The following METTL15 variants were observed in gnomAD, a reference collection of about 807,000 sequenced individuals.
The protein encoded by METTL15 is 12S rRNA N(4)-cytidine methyltransferase METTL15.
In METTL15, 34 loss-of-function variants were observed where a neutral mutation model predicts 38.3. The observed-to-expected ratio is 0.89, with a 90% CI of 0.68 to 1.18. The LOEUF (loss-of-function observed/expected upper bound fraction) is 1.18, where lower values mean the gene tolerates loss of function less well. Ranked by LOEUF, METTL15 falls within the 50% of genes most tolerant of loss-of-function variation. The pLI is 0.00. For missense variants in METTL15, 438 were observed against 498.4 expected (o/e 0.88, Z 1.15); for synonymous variants, 162 against 170.9 (o/e 0.95, Z 0.41).
intron 4 of METTL15, among the ~76,000 whole-genome samples, chr11:28,277,171 G>A (rs925666222): frequency 2.3e-4 from 35 of 152,080 alleles, no homozygotes; most frequent in African/African-American, 7.5e-4. Flanking sequence ...AAACAGTAAG[G>A]AGATTTCTTC....
chr11:28,315,283 A>T (rs1166708807), intron 6 of METTL15, among the ~76,000 whole-genome samples: 1 of 152,186 alleles, frequency 6.6e-6, no homozygotes, highest in Non-Finnish European at 1.5e-5. Flanking sequence ...TCAGTTGGAA[A>T]TGAGGAACTT....
chr11:28,239,562 C>G (rs1735886115), intron 4 of METTL15, among the ~76,000 whole-genome samples: 2 of 152,166 alleles, frequency 1.3e-5, no homozygotes, highest in African/African-American at 4.8e-5. Context: ...AGCCCCAGGA[C>G]AAGTTATCCT....
At chr11:28,380,899 G>T (rs557589043) in intron 5 of METTL15, among the ~76,000 whole-genome samples, 3 of 151,982 alleles carry the variant, frequency 2.0e-5, no homozygotes, top group African/African-American at 4.8e-5. Context: ...GACCTGTAAG[G>T]TTTCAGTTGA....
intron 4 of METTL15, among the ~76,000 whole-genome samples, chr11:28,211,700 T>G (rs1488633028): frequency 6.6e-6 from 1 of 151,980 alleles, no homozygotes; most frequent in African/African-American, 2.4e-5. Flanking sequence ...CTAAAGAACT[T>G]TTTAAAAATA....
In METTL15 at chr11:28,330,406, T is replaced by C. The variant is rs769308866; in HGVS notation, c.789T>C (p.Pro263=). 8.4e-6 allele frequency: 13 copies of C among 1,539,842 alleles called. 1 individual carries two copies. The South Asian group carries it at 1.5e-4, about 17-fold the overall frequency. Residue 263 remains proline (P), a synonymous_variant, in exon 7 of 7, where the codon CCT becomes CCC. Coordinates refer to ENST00000407364, the MANE Select transcript of METTL15 (RefSeq NM_001113528.2). ...CAACATTTGTTTTAGGAGCATTTCC[T>C]CCCTCTGCTATTTATACACGGAAAG... ...QLASIVAGAF[P]PSAIYTRKDL... is the part of the protein sequence containing the mutation.
At chr11:28,149,908 A>G (rs1379907250) in intron 3 of METTL15, among the ~76,000 whole-genome samples, 1 of 152,028 alleles carries the variant, frequency 6.6e-6, no homozygotes, top group African/African-American at 2.4e-5. Context: ...GATGCCTTGC[A>G]ATTGGAAACA....
At position 28,194,172 on chromosome 11, in the gene METTL15, CTTTT is replaced by C. The variant is rs773497873; in HGVS notation, c.271-16888_271-16885del. Among the ~76,000 whole-genome samples, 4 of 59,018 alleles carry C rather than the reference CTTTT, an allele frequency of 6.8e-5. No individual in the cohort carries two copies. In the South Asian group the frequency reaches 3.4e-3, roughly 50 times the overall value. 38.7% of individuals were successfully genotyped at this position (59,018 alleles called of 152,430 possible). A position where few individuals can be genotyped will look rare whatever the true frequency, so the allele number is the denominator to read the frequency against. ...TCTTTCTTTCTTTCTTTCTTTCTTTCTTTTTCTCTCTCTCTCTCTCCTCTCTCTC... is the reference window on the plus strand; with the variant it reads ...TCTTTCTTTCTTTCTTTCTTTCTTTCTCTCTCTCTCTCTCTCCTCTCTCTC... On this transcript the variant is annotated intron_variant, in intron 3 of 6. Coordinates refer to ENST00000407364, the MANE Select transcript of METTL15 (RefSeq NM_001113528.2).
At chr11:28,195,305 G>C (rs1044810031) in intron 3 of METTL15, among the ~76,000 whole-genome samples, 1 of 151,940 alleles carries the variant, frequency 6.6e-6, no homozygotes, top group Non-Finnish European at 1.5e-5. Context: ...TTTTCCATAA[G>C]GGTTATACTA....
intron 3 of METTL15, among the ~76,000 whole-genome samples, chr11:28,177,194 A>G (rs1416122313): frequency 1.3e-5 from 2 of 151,976 alleles, no homozygotes; most frequent in East Asian, 3.9e-4. Context: ...AAATACATAA[A>G]CTTTGTGTTA....
intron 4 of METTL15, among the ~76,000 whole-genome samples, chr11:28,282,306 C>T (rs887500562): frequency 1.3e-5 from 2 of 152,140 alleles, no homozygotes; most frequent in Non-Finnish European, 2.9e-5. Flanking sequence ...AATCACCAAC[C>T]GACACTGCAT....
intron 2 of METTL15, among the ~76,000 whole-genome samples, chr11:28,111,964 C>A (rs551031593): frequency 6.6e-6 from 1 of 152,104 alleles, no homozygotes; most frequent in Non-Finnish European, 1.5e-5. Flanking sequence ...TCATTCCCCC[C>A]CCCACCGACA....
intron 3 of METTL15, among the ~76,000 whole-genome samples, chr11:28,187,546 G>A (rs555748618): frequency 1.6e-4 from 23 of 145,640 alleles, no homozygotes; most frequent in Admixed American, 9.6e-4. Context: ...TTTTTAACAC[G>A]GACCGATGTC....
chr11:28,431,790 TAA>T (rs869087503), intron 6 of METTL15, among the ~76,000 whole-genome samples: 1,622 of 71,458 alleles, frequency 0.023, 20 homozygotes, highest in Admixed American at 0.039. Context: ...AAAATAAATT[TAA>T]AAAAAAAAAA....
chr11:28,482,932 C>G (rs1008409432), intron 6 of METTL15, among the ~76,000 whole-genome samples: 4 of 152,136 alleles, frequency 2.6e-5, no homozygotes, highest in African/African-American at 9.7e-5. Context: ...AGACATCCTC[C>G]TGGACAATAG....
At chr11:28,451,490 C>T (rs1314184243) in intron 6 of METTL15, among the ~76,000 whole-genome samples, 1 of 151,790 alleles carries the variant, frequency 6.6e-6, no homozygotes, top group Non-Finnish European at 1.5e-5. Flanking sequence ...GAGGCTGAGG[C>T]AGGAGAATGG....
At chr11:28,286,411 C>G (rs998243769) in intron 4 of METTL15, among the ~76,000 whole-genome samples, 1 of 152,102 alleles carries the variant, frequency 6.6e-6, no homozygotes, top group African/African-American at 2.4e-5. Context: ...TGGATGTGAT[C>G]AATCTTTCCC....
At chr11:28,250,385 G>A (rs1228317870) in intron 4 of METTL15, among the ~76,000 whole-genome samples, 5 of 151,880 alleles carry the variant, frequency 3.3e-5, no homozygotes, top group Admixed American at 3.3e-4. Flanking sequence ...ACTAGCATCT[G>A]CTATTTTTGG....
chr11:28,453,173 C>T (rs995897240), intron 6 of METTL15, among the ~76,000 whole-genome samples: 3 of 152,202 alleles, frequency 2.0e-5, no homozygotes, highest in Non-Finnish European at 4.4e-5. Flanking sequence ...CTTATGGCTG[C>T]TGCCAGAATA....
rs377305640 is a variant in METTL15, at chr11:28,400,582, A to C, written c.*359-23717A>C. 8.6e-5 allele frequency among the ~76,000 whole-genome samples: 13 copies of C among 151,986 alleles called. No individual in the cohort carries two copies. In the East Asian group the frequency reaches 2.5e-3, roughly 29 times the overall value. ...TGTCAGTGGAGTCTGAGTTCCCCCC[A>C]TCCCTCACCCCTCTTGAGGTCCAAA... On this transcript the variant is annotated intron_variant and NMD_transcript_variant, in intron 5 of 7. Coordinates refer to the METTL15 transcript ENST00000532947.
Sources: allele counts gnomAD v4.1 joint callset (sites outside exome capture counted in the v4.1 genomes callset), GRCh38; gene constraint gnomAD v4.1.1; transcripts MANE v1.5; gene names NCBI Gene and HGNC (gene_info 2026-07-23, HGNC 2026-07-21).